Variants in UNK observed in about 807,000 individuals in gnomAD.
UNK encodes the protein unk zinc finger, also known as RING finger protein unkempt homolog.
Under a neutral mutation model 97.6 loss-of-function variants are expected in UNK, and 32 were observed. The observed-to-expected ratio is 0.33, with a 90% confidence interval of 0.25 to 0.44. The LOEUF (loss-of-function observed/expected upper bound fraction) is 0.44, where lower values mean the gene tolerates loss of function less well. Ranked by LOEUF, UNK falls within the 20% of genes least tolerant of loss-of-function variation. The probability of loss-of-function intolerance (pLI) is 1.00; values close to 1 mark genes in which losing one functional copy is unlikely to be tolerated. For synonymous variants in UNK, 441 were observed against 461.2 expected (o/e 0.96, Z 0.56); for missense variants, 771 against 1,098.4 (o/e 0.70, Z 4.21).
Position 75,820,064 on chromosome 17 carries a change from C to T in UNK, c.1793C>T (p.Ser598Leu), listed in dbSNP as rs772013888. Residue 598 changes from serine to leucine, a missense_variant, in exon 13 of 16, where the codon TCG becomes TTG. Ser to Leu is a moderately radical substitution (Grantham distance 145). This residue lies in a region of UNK where 91 missense variants were observed against 173.1 expected (regional missense o/e 0.53). Transcript: ENST00000589666. Reference protein sequence around the residue: ...LQQPQGHLSQSENTFLGTSAS... With the variant: ...LQQPQGHLSQLENTFLGTSAS... ...CAGCCCCAGGGCCACCTGAGTCAGT[C>T]GGAAAACACATTTTTGGGAACCTCA... 2.5e-6 allele frequency: 4 copies of T among 1,613,606 alleles called. No homozygotes were observed. The highest frequency in any genetic ancestry group is 2.5e-6 in the Non-Finnish European group (3 of 1,179,722).
intron 2 of UNK, among the ~76,000 whole-genome samples, chr17:75,811,604 GC>G (rs1218208838): frequency 6.6e-6 from 1 of 152,260 alleles, no homozygotes; most frequent in Non-Finnish European, 1.5e-5. Flanking sequence ...TAGGCTGCAG[GC>G]AGCAGCAGGG....
At chr17:75,794,880 C>T (rs1599361403) in intron 1 of UNK, among the ~76,000 whole-genome samples, 1 of 152,200 alleles carries the variant, frequency 6.6e-6, no homozygotes, top group Non-Finnish European at 1.5e-5. Context: ...CAGTGCTTGG[C>T]ACTTAGCACA....
In UNK at chr17:75,822,490, G is replaced by A. The variant is rs774648206; in HGVS notation, c.1851G>A (p.Met617Ile). ...ASHGSLGLNG[M>I]NSSIWEHFAS... ...TCCTTGGGGCAGGTCTGAACGGGAT[G>A]AACAGCAGCATCTGGGAGCATTTTG... Residue 617 changes from methionine (M) to isoleucine (I), a missense_variant, in exon 14 of 16, where the codon ATG (methionine) becomes ATA (isoleucine). Physicochemically the swap from Met to Ile is conservative, Grantham distance 10. Transcript: ENST00000589666. 1 of 1,612,812 alleles carries A rather than the reference G, an allele frequency of 6.2e-7. No individual in the cohort carries two copies. Among genetic ancestry groups the A allele is most frequent in the South Asian group, 1.1e-5 (1 of 90,824 alleles).
At chr17:75,809,196 G>A (rs2061946064) in intron 1 of UNK, among the ~76,000 whole-genome samples, 1 of 152,180 alleles carries the variant, frequency 6.6e-6, no homozygotes, top group South Asian at 2.1e-4. Context: ...GCGGAGGCGG[G>A]CAGACAGGAC....
chr17:75,790,696 C>T (rs568489234), intron 1 of UNK, among the ~76,000 whole-genome samples: 7 of 151,326 alleles, frequency 4.6e-5, no homozygotes, highest in Non-Finnish European at 8.8e-5. Context: ...TTTGGGAGGC[C>T]GAGGCGAGTG....
Position 75,819,791 on chromosome 17 carries a change from G to A in UNK, c.1648+6G>A, listed in dbSNP as rs777252493. The A allele has an allele frequency of 6.2e-6, 10 of 1,613,722 alleles. No individual in the cohort carries two copies. In the Admixed American group the frequency reaches 1.2e-4, roughly 19 times the overall value. ...CCCAGGAAGCATCACCATCGGTACT[G>A]GGTGTGGGTGGGCAGGGCAGCCTGG... is the stretch of plus-strand genomic sequence containing the variant. On this transcript the variant is annotated splice_donor_region_variant and intron_variant, in intron 12 of 15. Coordinates refer to ENST00000589666, the MANE Select transcript of UNK (RefSeq NM_001080419.3). This position sits in a 1 kb window ranked among gnomAD's most constrained non-coding sequence, Gnocchi z 5.4.
intron 7 of UNK, 56 bp downstream of exon 7, chr17:75,815,309 G>T (rs537548770): frequency 9.7e-5 from 149 of 1,528,512 alleles, no homozygotes; most frequent in Admixed American, 9.3e-4. Flanking sequence ...CCCTCGCCTG[G>T]CTAGCTCAGG....
At position 75,818,773 on chromosome 17, in the gene UNK, T is replaced by G; in HGVS notation, c.1503T>G (p.Ala501=). ...TSSVPGMNAN[A]LPFYPTSDTV... ...GCGTCCCCGGCATGAATGCAAACGC[T>G]CTGCCCTTCTACCCCACCAGCGACA... Residue 501 remains alanine (A), a synonymous_variant, in exon 11 of 16, where the codon GCT becomes GCG. Transcript: ENST00000589666. The surrounding 1 kb of genome is among the most constrained non-coding windows in gnomAD (Gnocchi z 5.1). The G allele has an allele frequency of 6.2e-7, 1 of 1,612,234 alleles. No homozygotes were observed. Among genetic ancestry groups the G allele is most frequent in the South Asian group, 1.1e-5 (1 of 90,746 alleles).
chr17:75,812,344 C>T, intron 3 of UNK, 56 bp downstream of exon 3: 1 of 1,582,062 alleles, frequency 6.3e-7, no homozygotes, highest in Non-Finnish European at 8.6e-7. Context: ...AGGGCAGGGG[C>T]CTGGCGGCTA....
intron 1 of UNK, among the ~76,000 whole-genome samples, chr17:75,798,027 C>T (rs1214874831): frequency 6.6e-6 from 1 of 150,442 alleles, no homozygotes; most frequent in Non-Finnish European, 1.5e-5. Flanking sequence ...GGTGGACATT[C>T]ATGCAGACAT....
intron 1 of UNK, among the ~76,000 whole-genome samples, chr17:75,788,728 G>A (rs750306024): frequency 5.5e-5 from 8 of 146,180 alleles, no homozygotes; most frequent in Non-Finnish European, 1.1e-4. Flanking sequence ...CAAGAGACAG[G>A]ATCTTGCTCT....
chr17:75,809,676 G>A, intron 1 of UNK, 84 bp from the exon 2 acceptor site: 1 of 1,462,850 alleles, frequency 6.8e-7, no homozygotes, highest in Non-Finnish European at 9.3e-7. Flanking sequence ...GGCCCTCAGG[G>A]GACTTGGCGG....
chr17:75,787,296 C>T (rs1001714299), intron 1 of UNK, among the ~76,000 whole-genome samples: 1 of 152,092 alleles, frequency 6.6e-6, no homozygotes, highest in Admixed American at 6.5e-5. Context: ...ACTGTAGCCT[C>T]GACCTCCCTG....
At chr17:75,822,171 TC>T (rs1291934894) in intron 13 of UNK, among the ~76,000 whole-genome samples, 1 of 152,238 alleles carries the variant, frequency 6.6e-6, no homozygotes, top group Non-Finnish European at 1.5e-5. Flanking sequence ...ATGCAGTACT[TC>T]CTGAGTCCCC....
At chr17:75,793,246 AAATGT>A (rs2061778036) in intron 1 of UNK, among the ~76,000 whole-genome samples, 1 of 152,164 alleles carries the variant, frequency 6.6e-6, no homozygotes, top group African/African-American at 2.4e-5. Flanking sequence ...TGTCCTGCTA[AAATGT>A]AATAGAGTCC....
At position 75,812,465 on chromosome 17, in the gene UNK, G is replaced by C. The variant is rs1424792427; in HGVS notation, c.502G>C (p.Ala168Pro). 1 of 1,611,498 alleles carries C rather than the reference G, an allele frequency of 6.2e-7. No individual in the cohort carries two copies. The highest frequency in any genetic ancestry group is 8.5e-7 in the Non-Finnish European group (1 of 1,179,446). ...TTCCTCTCCTCCCAGGGAGCTTCAG[G>C]CCATGGAGGCCTTGCAGAATGGCCA... ...SPVYDIRELQ[A>P]MEALQNGQTT... Residue 168 changes from alanine to proline, a missense_variant, in exon 4 of 16, where the codon GCC becomes CCC. Transcript: ENST00000589666.
chr17:75,796,607 C>T (rs1301251562), intron 1 of UNK, among the ~76,000 whole-genome samples: 12 of 152,168 alleles, frequency 7.9e-5, no homozygotes, highest in Admixed American at 7.2e-4. Context: ...GCCTGAGACA[C>T]CACACCCAGC....
At chr17:75,809,406 C>T (rs1373049311) in intron 1 of UNK, among the ~76,000 whole-genome samples, 1 of 152,232 alleles carries the variant, frequency 6.6e-6, no homozygotes, top group East Asian at 1.9e-4. Context: ...GCGCCTCATG[C>T]TCTTATTTGC....
In UNK at chr17:75,824,488, G is replaced by T; in HGVS notation, c.*71G>T. 4 of 845,872 alleles carry T rather than the reference G, an allele frequency of 4.7e-6. No individual in the cohort carries two copies. Among genetic ancestry groups the T allele is most frequent in the Middle Eastern group, 4.5e-4 (1 of 2,240 alleles). The allele number at this position is 845,872 out of a possible 1,614,324, so 52.4% of individuals were successfully genotyped here. ...CTTTTTAAAGTATATATATATATAT[G>T]AATATATATATATATGTGTATGTAT... On this transcript the variant is annotated 3_prime_UTR_variant, in exon 16 of 16. Coordinates refer to ENST00000589666, the MANE Select transcript of UNK (RefSeq NM_001080419.3). The surrounding 1 kb of genome is among the most constrained non-coding windows in gnomAD (Gnocchi z 4.9).
Sources: gnomAD v4.1 joint callset for allele counts (sites outside exome capture counted in the v4.1 genomes callset) on GRCh38, gnomAD v4.1.1 for gene constraint, gnomAD v4.1.1 regional missense constraint, Gnocchi (gnomAD v3.1) non-coding constraint, MANE v1.5 for transcripts, NCBI Gene and HGNC (gene_info 2026-07-23, HGNC 2026-07-21) for gene names.